Variants in CEP162 observed in about 807,000 individuals in gnomAD.
CEP162 encodes the protein centrosomal protein of 162 kDa.
Under a neutral mutation model 169.2 loss-of-function variants are expected in CEP162, and 141 were observed. The observed-to-expected ratio is 0.83, with a 90% CI of 0.73 to 0.96. The LOEUF (loss-of-function observed/expected upper bound fraction) is 0.96. Among genes scored for constraint, CEP162 ranks in the 40% least tolerant of loss-of-function variants. The probability of loss-of-function intolerance (pLI) is 0.00; values close to 1 mark genes in which losing one functional copy is unlikely to be tolerated. For synonymous variants in CEP162, 540 were observed against 526.4 expected (o/e 1.03, Z -0.35); for missense variants, 1,600 against 1,587.2 (o/e 1.01, Z -0.14).
Position 84,194,568 on chromosome 6 carries a change from C to T in CEP162, c.1027+316G>A, listed in dbSNP as rs9353165. 2.2e-3 allele frequency among the ~76,000 whole-genome samples: 333 copies of T among 151,854 alleles called. 14 individuals are homozygous for T. The East Asian group carries it at 0.05, about 23-fold the overall frequency. On this transcript the variant is annotated intron_variant, in intron 10 of 26. Transcript: ENST00000403245. ...TCCCGTGTTCAAGTGATTCTCCTGCCTCAGGCTCCCGAGTAGCTGGGACTA... is the reference window on the plus strand; with the variant it reads ...TCCCGTGTTCAAGTGATTCTCCTGCTTCAGGCTCCCGAGTAGCTGGGACTA...
At chr6:84,170,028 G>T (rs2099529376) in intron 17 of CEP162, among the ~76,000 whole-genome samples, 1 of 152,098 alleles carries the variant, frequency 6.6e-6, no homozygotes, top group African/African-American at 2.4e-5. Flanking sequence ...TAGAAGCCAA[G>T]TAGTACAAGA....
chr6:84,158,108 A>G (rs1305683740), intron 21 of CEP162, among the ~76,000 whole-genome samples: 1 of 152,188 alleles, frequency 6.6e-6, no homozygotes, highest in Non-Finnish European at 1.5e-5. Flanking sequence ...TTTTAAAACT[A>G]TTATGGTGAA....
chr6:84,139,930 C>CA (rs1238685559), intron 25 of CEP162, among the ~76,000 whole-genome samples: 1 of 152,220 alleles, frequency 6.6e-6, no homozygotes, highest in African/African-American at 2.4e-5. Context: ...GCCACCCTCT[C>CA]AGGCTGGTGT....
intron 21 of CEP162, among the ~76,000 whole-genome samples, chr6:84,156,702 T>C (rs1331459321): frequency 1.3e-5 from 2 of 150,242 alleles, no homozygotes; most frequent in African/African-American, 5.0e-5. Flanking sequence ...ATCCAGCAAT[T>C]CCACTACTAG....
chr6:84,185,271 T>G lies in CEP162; in HGVS notation c.1579A>C (p.Thr527Pro). 1 of 1,613,414 alleles carries G rather than the reference T, an allele frequency of 6.2e-7. No individual in the cohort carries two copies. The highest frequency in any genetic ancestry group is 1.1e-5 in the South Asian group (1 of 91,062). ...KPSSPLKMFS[T>P]LEKKTSEDII... ...TCCTCTGAAGTTTTCTTTTCAAGAG[T>G]AGAAAACATCTTGAGTGGTGAACTG... The change falls in exon 13 of 27, where the codon ACT (threonine) becomes CCT (proline). Residue 527 changes from threonine (T) to proline (P), a missense_variant. Thr to Pro is a conservative substitution (Grantham distance 38). Transcript: ENST00000403245.
At chr6:84,222,600 G>C (rs1046489737) in intron 2 of CEP162, among the ~76,000 whole-genome samples, 5 of 152,180 alleles carry the variant, frequency 3.3e-5, no homozygotes, top group Non-Finnish European at 7.3e-5. Flanking sequence ...GCTCTAAGAG[G>C]CTAAGCAACT....
Position 84,143,634 on chromosome 6 carries a change from AAG to A in CEP162, c.3870+3051_3870+3052del, listed in dbSNP as rs1295428411. Among the ~76,000 whole-genome samples the A allele has an allele frequency of 2.0e-5, 3 of 152,022 alleles. No homozygotes were observed. In the South Asian group the frequency reaches 6.2e-4, roughly 31 times the overall value. On this transcript the variant is annotated intron_variant, in intron 25 of 26. Transcript: ENST00000403245. ...GTAGAAGCTTGCAGAAGGAGAGAGA[AAG>A]AGAAAGTGAGAATGCACGAATATCT...
chr6:84,223,788 T>A (rs1210742166), intron 2 of CEP162, among the ~76,000 whole-genome samples: 3 of 151,888 alleles, frequency 2.0e-5, no homozygotes, highest in Admixed American at 6.6e-5. Context: ...GCGCCTGTAA[T>A]CTCAGCAATT....
rs573485191 is a variant in CEP162 at position 84,130,573 on chromosome 6, C to G, written c.3871-4061G>C. ...CTATTCAGGGATTCGACTTCTTCCT[C>G]GTTTAGACTTGGGAGGGTGTATGTG... On this transcript the variant is annotated intron_variant, in intron 25 of 26. Coordinates refer to ENST00000403245, the MANE Select transcript of CEP162 (RefSeq NM_014895.4). Among the ~76,000 whole-genome samples the G allele has an allele frequency of 1.2e-4, 18 of 152,166 alleles. No homozygotes were observed. In the South Asian group the frequency reaches 3.7e-3, roughly 32 times the overall value.
intron 6 of CEP162, among the ~76,000 whole-genome samples, chr6:84,212,358 G>A (rs565304558): frequency 1.3e-5 from 2 of 152,190 alleles, no homozygotes; most frequent in African/African-American, 4.8e-5. Context: ...ATAATGCACT[G>A]TGGTGTTTTT....
At position 84,186,610 on chromosome 6, in the gene CEP162, C is replaced by T; in HGVS notation, c.1123G>A (p.Ala375Thr). 1.2e-6 allele frequency: 2 copies of T among 1,602,144 alleles called. No homozygotes were observed. The highest frequency in any genetic ancestry group is 1.7e-6 in the Non-Finnish European group (2 of 1,175,274). ...AAAAATTCAGTTTCTTTTCTTTCGGCCACTTTCTCAGAGCTATAAAACAAA... is the reference window on the plus strand; with the variant it reads ...AAAAATTCAGTTTCTTTTCTTTCGGTCACTTTCTCAGAGCTATAAAACAAA... ...DLQPVSSEKV[A>T]ERKETEFFSS... Residue 375 changes from alanine (A) to threonine (T), a missense_variant, in exon 12 of 27, where the codon GCC becomes ACC. Ala to Thr is a moderately conservative substitution (Grantham distance 58). Coordinates refer to ENST00000403245, the MANE Select transcript of CEP162 (RefSeq NM_014895.4).
At chr6:84,226,264 C>T (rs2099555713) in intron 2 of CEP162, 73 bp downstream of exon 2, 2 of 1,003,500 alleles carry the variant, frequency 2.0e-6, no homozygotes, top group Non-Finnish European at 3.1e-6. Flanking sequence ...ACTGTATCTT[C>T]GAGATGACAG....
At chr6:84,160,497 G>C (rs2099525313) in intron 21 of CEP162, among the ~76,000 whole-genome samples, 1 of 152,096 alleles carries the variant, frequency 6.6e-6, no homozygotes, top group Non-Finnish European at 1.5e-5. Context: ...CTACGGTCAG[G>C]AAGAGAAATC....
At chr6:84,190,406 GCT>G (rs898012360) in intron 11 of CEP162, among the ~76,000 whole-genome samples, 29 of 152,258 alleles carry the variant, frequency 1.9e-4, no homozygotes, top group Middle Eastern at 6.8e-3. Context: ...TTGGCAACCT[GCT>G]CGGGTCCCCT....
At chr6:84,192,519 A>G (rs1381372157) in intron 11 of CEP162, among the ~76,000 whole-genome samples, 1 of 152,224 alleles carries the variant, frequency 6.6e-6, no homozygotes, top group Non-Finnish European at 1.5e-5. Context: ...AAGTGAATGA[A>G]TTTTAGTGGA....
chr6:84,169,631 T>C (rs2099529193), intron 17 of CEP162, among the ~76,000 whole-genome samples, 198 bp from the exon 18 acceptor site: 1 of 152,162 alleles, frequency 6.6e-6, no homozygotes, highest in Non-Finnish European at 1.5e-5. Flanking sequence ...GAAATGCTTA[T>C]ATCTATTCTA....
At chr6:84,170,130 T>C (rs565502373) in intron 17 of CEP162, among the ~76,000 whole-genome samples, 34 of 151,874 alleles carry the variant, frequency 2.2e-4, no homozygotes, top group African/African-American at 7.5e-4. Flanking sequence ...TCCCAGCACG[T>C]TGGGAGGCCG....
intron 25 of CEP162, among the ~76,000 whole-genome samples, chr6:84,131,595 A>T (rs906781459): frequency 6.6e-6 from 1 of 151,716 alleles, no homozygotes; most frequent in Middle Eastern, 3.4e-3. Flanking sequence ...CTTTACCATT[A>T]TGGCCTTGTC....
At chr6:84,183,426 T>C (rs1039634463) in intron 13 of CEP162, among the ~76,000 whole-genome samples, 1 of 152,148 alleles carries the variant, frequency 6.6e-6, no homozygotes, top group Non-Finnish European at 1.5e-5. Context: ...TGGCATAGTT[T>C]AGGTCTTTCC....
Sources: gnomAD v4.1 joint callset for allele counts (sites outside exome capture counted in the v4.1 genomes callset) on GRCh38, gnomAD v4.1.1 for gene constraint, MANE v1.5 for transcripts, NCBI Gene and HGNC (gene_info 2026-07-23, HGNC 2026-07-21) for gene names.